ADRA1A: variants seen among roughly 807,000 people sequenced by gnomAD.
The protein encoded by ADRA1A is alpha-1A adrenergic receptor.
A neutral mutation model predicts 29.6 loss-of-function variants in ADRA1A; 31 were observed. That is an observed-to-expected ratio of 1.05 (90% CI 0.79 to 1.41). The LOEUF is 1.41. Ranked by LOEUF, ADRA1A falls within the 40% of genes most tolerant of loss-of-function variation. ADRA1A has a pLI of 0.00. For missense variants in ADRA1A, 619 were observed against 601.1 expected, an observed-to-expected ratio of 1.03 and a Z score of -0.31; for synonymous variants, 311 against 254.3, an observed-to-expected ratio of 1.22 and a Z score of -2.12.
intron 2 of ADRA1A, among the ~76,000 whole-genome samples, chr8:26,830,286 G>C (rs1330799231): frequency 6.6e-6 from 1 of 152,202 alleles, no homozygotes; most frequent in African/African-American, 2.4e-5. Context: ...CTCAAAGCTT[G>C]AAGGCAGCTC....
chr8:26,813,293 C>T (rs991382808), intron 2 of ADRA1A, among the ~76,000 whole-genome samples: 6 of 152,238 alleles, frequency 3.9e-5, no homozygotes, highest in African/African-American at 7.2e-5. Context: ...TCAGTGACAT[C>T]GTGGGGCTAG....
intron 2 of ADRA1A, among the ~76,000 whole-genome samples, chr8:26,771,541 T>C (rs1806145349): frequency 6.6e-6 from 1 of 152,240 alleles, no homozygotes; most frequent in Non-Finnish European, 1.5e-5. Context: ...CGTCACATCC[T>C]GCGCAGAGAC....
At chr8:26,755,102 A>C (rs985970184), downstream of ADRA1A, among the ~76,000 whole-genome samples, 2 of 152,238 alleles carry the variant, frequency 1.3e-5, no homozygotes, top group African/African-American at 2.4e-5. Flanking sequence ...TTTGCTTGTT[A>C]AGAAGTCCAA....
chr8:26,777,168 T>C (rs546762136), intron 2 of ADRA1A, among the ~76,000 whole-genome samples: 1 of 152,318 alleles, frequency 6.6e-6, no homozygotes, highest in African/African-American at 2.4e-5. Context: ...TGGGGCCACT[T>C]GGGCAGCTCT....
At chr8:26,755,336 G>C (rs1805112278), downstream of ADRA1A, among the ~76,000 whole-genome samples, 1 of 152,094 alleles carries the variant, frequency 6.6e-6, no homozygotes, top group Non-Finnish European at 1.5e-5. Flanking sequence ...GAAAGCCTTG[G>C]ACTCATCCCT....
At chr8:26,758,250 G>A (rs1805307572) in intron 2 of ADRA1A, among the ~76,000 whole-genome samples, 1 of 152,176 alleles carries the variant, frequency 6.6e-6, no homozygotes, top group African/African-American at 2.4e-5. Context: ...TCTAATTACA[G>A]AGAAATGAAT....
At chr8:26,829,172 C>A (rs1443873833) in intron 2 of ADRA1A, among the ~76,000 whole-genome samples, 2 of 152,112 alleles carry the variant, frequency 1.3e-5, no homozygotes, top group African/African-American at 4.8e-5. Context: ...CCTCCACTCA[C>A]AATGCTCGGG....
At chr8:26,863,979 T>A in intron 2 of ADRA1A, 108 bp downstream of exon 2, 3 of 1,206,472 alleles carry the variant, frequency 2.5e-6, no homozygotes, top group Non-Finnish European at 2.3e-6. Context: ...CTGTGCTGTT[T>A]GAAATGCTAA....
intron 2 of ADRA1A, among the ~76,000 whole-genome samples, chr8:26,852,263 T>C (rs1449485431): frequency 2.6e-5 from 4 of 152,162 alleles, no homozygotes; most frequent in Non-Finnish European, 1.5e-5. Context: ...GAAGCAAATG[T>C]ACAGCTTGGA....
rs1810952033 is a variant in ADRA1A at position 26,831,189 on chromosome 8, A to C, written c.883+32898T>G. On this transcript the variant is annotated intron_variant, in intron 2 of 2. Coordinates refer to ENST00000380573, the MANE Select transcript of ADRA1A (RefSeq NM_000680.4). This position sits in a 1 kb window ranked among gnomAD's most constrained non-coding sequence, Gnocchi z 5.2. ...TCAAACTCTCATATGGATGTTAAGA[A>C]GATTAAGATAATAGCATGCCTAACA... Among the ~76,000 whole-genome samples the C allele has an allele frequency of 6.6e-6, 1 of 152,210 alleles. No homozygotes were observed. The highest frequency in any genetic ancestry group is 6.5e-5 in the Admixed American group (1 of 15,274).
At chr8:26,838,191 A>G (rs890602173) in intron 2 of ADRA1A, among the ~76,000 whole-genome samples, 2 of 152,330 alleles carry the variant, frequency 1.3e-5, no homozygotes, top group African/African-American at 4.8e-5. Flanking sequence ...TTTAGTTTAT[A>G]AGACCACATG....
chr8:26,863,312 G>T (rs181767879), intron 2 of ADRA1A, among the ~76,000 whole-genome samples: 1 of 152,238 alleles, frequency 6.6e-6, no homozygotes, highest in Admixed American at 6.5e-5. Flanking sequence ...AGCTAATTTA[G>T]CATCTGCAAA....
chr8:26,804,773 T>G (rs182157697), intron 2 of ADRA1A, among the ~76,000 whole-genome samples: 3 of 152,198 alleles, frequency 2.0e-5, no homozygotes, highest in Non-Finnish European at 4.4e-5. Context: ...ATATGATGCT[T>G]CGAGGATGGT....
At chr8:26,822,021 G>C (rs1344524954) in intron 2 of ADRA1A, among the ~76,000 whole-genome samples, 1 of 152,144 alleles carries the variant, frequency 6.6e-6, no homozygotes, top group East Asian at 1.9e-4. Context: ...TTCCAGTTTG[G>C]GGCTATTACA....
chr8:26,750,098 A>G (rs1804858152), intron 2 of ADRA1A, among the ~76,000 whole-genome samples: 2 of 152,186 alleles, frequency 1.3e-5, no homozygotes, highest in African/African-American at 2.4e-5. Flanking sequence ...GCATTGGCAG[A>G]TTTGGTATCT....
intron 2 of ADRA1A, among the ~76,000 whole-genome samples, chr8:26,843,524 G>A (rs377156022): frequency 2.0e-5 from 3 of 152,286 alleles, no homozygotes; most frequent in African/African-American, 7.2e-5. Flanking sequence ...TGATGGCCAT[G>A]GTGAACACCT....
At chr8:26,751,090 G>A (rs986060844) in intron 2 of ADRA1A, among the ~76,000 whole-genome samples, 1 of 141,840 alleles carries the variant, frequency 7.1e-6, no homozygotes, top group African/African-American at 2.6e-5. Flanking sequence ...AAAAAAAATT[G>A]TAAGTTGTTT....
chr8:26,855,854 C>T (rs1813009445), intron 2 of ADRA1A, among the ~76,000 whole-genome samples: 1 of 152,210 alleles, frequency 6.6e-6, no homozygotes, highest in Non-Finnish European at 1.5e-5. Flanking sequence ...GGCTAAAATA[C>T]AGTAAACTTG....
Position 26,821,826 on chromosome 8 carries a change from T to C in ADRA1A, c.883+42261A>G, listed in dbSNP as rs769978111. 1.3e-4 allele frequency among the ~76,000 whole-genome samples: 20 copies of C among 152,210 alleles called. No individual in the cohort carries two copies. Among genetic ancestry groups the C allele is most frequent in the Non-Finnish European group, 2.1e-4 (14 of 68,040 alleles). On this transcript the variant is annotated intron_variant, in intron 2 of 2. Coordinates refer to ENST00000380573, the MANE Select transcript of ADRA1A (RefSeq NM_000680.4). This position sits in a 1 kb window ranked among gnomAD's most constrained non-coding sequence, Gnocchi z 5.6. ...TTCTATAATTTTGTCATTTCAAGAA[T>C]GTTATGTAAATAGAGTCATACAGTA...
Sources: allele counts gnomAD v4.1 joint callset (sites outside exome capture counted in the v4.1 genomes callset), GRCh38; gene constraint gnomAD v4.1.1; non-coding constraint Gnocchi (gnomAD v3.1); transcripts MANE v1.5; gene names NCBI Gene and HGNC (gene_info 2026-07-23, HGNC 2026-07-21).